Variants in MTMR7 observed in about 807,000 individuals in gnomAD.
MTMR7 encodes the protein phosphatidylinositol-3-phosphate phosphatase MTMR7.
A neutral mutation model predicts 81.2 loss-of-function variants in MTMR7; 76 were observed. The observed-to-expected ratio is 0.94, with a 90% CI of 0.78 to 1.13. The LOEUF (loss-of-function observed/expected upper bound fraction) is 1.13. Among genes scored for constraint, MTMR7 ranks in the 50% most tolerant of loss-of-function variants. The pLI, the probability that MTMR7 is intolerant of heterozygous loss-of-function variation, is 0.00. For missense variants in MTMR7, 1,044 were observed against 820.0 expected (o/e 1.27, Z -3.34); for synonymous variants, 372 against 289.8 (o/e 1.28, Z -2.88).
intron 7 of MTMR7, among the ~76,000 whole-genome samples, chr8:17,324,185 T>A (rs1323189544): frequency 6.6e-6 from 1 of 152,198 alleles, no homozygotes; most frequent in Non-Finnish European, 1.5e-5. Context: ...ATTGGTTACT[T>A]CTTTCAGAAT....
Position 17,304,486 on chromosome 8 carries a change from G to A in MTMR7, c.1386C>T (p.His462=), listed in dbSNP as rs372583977. ...IQERTYSLWA[H]LWKNRADYLN... is the part of the protein sequence containing the mutation. ...GGTAGTCGGCCCGATTCTTCCACAG[G>A]TGAGCCCATAATGAGTATGTTCTTT... The change falls in exon 12 of 14, where the codon CAC becomes CAT. Residue 462 remains histidine (H), a synonymous_variant. Transcript: ENST00000180173. The A allele has an allele frequency of 8.1e-6, 13 of 1,613,864 alleles. No individual in the cohort carries two copies. The highest frequency in any genetic ancestry group is 1.1e-5 in the Non-Finnish European group (13 of 1,179,936).
chr8:17,383,553 A>T (rs190287256), intron 1 of MTMR7, among the ~76,000 whole-genome samples: 1 of 152,260 alleles, frequency 6.6e-6, no homozygotes. Flanking sequence ...ATACCTGACC[A>T]CTTCAGTCTG....
At chr8:17,319,170 C>A (rs965258729) in intron 7 of MTMR7, among the ~76,000 whole-genome samples, 1 of 152,336 alleles carries the variant, frequency 6.6e-6, no homozygotes, top group Admixed American at 6.5e-5. Context: ...GCAGACACAG[C>A]TGCACTCAAA....
intron 2 of MTMR7, among the ~76,000 whole-genome samples, chr8:17,371,858 T>G (rs1204700187): frequency 6.7e-6 from 1 of 149,952 alleles, no homozygotes; most frequent in Non-Finnish European, 1.5e-5. Context: ...ATAGTTTTTT[T>G]TTTTTTTTTT....
rs141307814 is a variant in MTMR7 at position 17,315,299 on chromosome 8, C to T, written c.866-1898G>A. On this transcript the variant is annotated intron_variant, in intron 7 of 13. Coordinates refer to ENST00000180173, the MANE Select transcript of MTMR7 (RefSeq NM_004686.5). Reference sequence around the variant, plus strand: ...TGACCTCCTAGAAAAGGCAAAACTACGGAGACAGTAAAAAAATCAGCGGCT... The same window carrying T: ...TGACCTCCTAGAAAAGGCAAAACTATGGAGACAGTAAAAAAATCAGCGGCT... 1.3e-3 allele frequency among the ~76,000 whole-genome samples: 197 copies of T among 152,134 alleles called. 1 individual carries two copies. The highest frequency in any genetic ancestry group is 4.6e-3 in the South Asian group (22 of 4,826).
At chr8:17,405,752 A>C (rs1384203848) in intron 1 of MTMR7, among the ~76,000 whole-genome samples, 1 of 152,126 alleles carries the variant, frequency 6.6e-6, no homozygotes, top group African/African-American at 2.4e-5. Context: ...GTGGTTAAAA[A>C]AAAAATCACT....
Position 17,371,034 on chromosome 8 carries a change from T to C in MTMR7, c.310+3A>G, listed in dbSNP as rs1041780591. 4.3e-6 allele frequency: 7 copies of C among 1,612,046 alleles called. No homozygotes were observed. Among genetic ancestry groups the C allele is most frequent in the South Asian group, 1.1e-5 (1 of 90,470 alleles). On this transcript the variant is annotated splice_donor_region_variant and intron_variant, in intron 3 of 13. Transcript: ENST00000180173. ...TATTAAATGCCGAGTTCCTCTGCCC[T>C]ACCTGGCCTTGCAAGGCGTATCAGG...
At chr8:17,339,462 G>A (rs1330119828) in intron 6 of MTMR7, among the ~76,000 whole-genome samples, 1 of 152,194 alleles carries the variant, frequency 6.6e-6, no homozygotes, top group South Asian at 2.1e-4. Flanking sequence ...GCAACCATCA[G>A]TTTACTTTCA....
In MTMR7 at chr8:17,373,191, A is replaced by C. The variant is rs766574049; in HGVS notation, c.74T>G (p.Leu25Arg). The C allele has an allele frequency of 7.4e-6, 12 of 1,613,518 alleles. No individual in the cohort carries two copies. In the East Asian group the frequency reaches 2.7e-4, roughly 36 times the overall value. Residue 25 changes from leucine to arginine, a missense_variant, in exon 2 of 14, where the codon CTA becomes CGA. By Grantham distance (102) the Leu-to-Arg change is moderately radical (BLOSUM62 -2). Transcript: ENST00000180173. Reference protein sequence around the residue: ...VDRVSPKKAALGTLYLTATHV... With the variant: ...VDRVSPKKAARGTLYLTATHV... The stretch of plus-strand genomic sequence containing the variant: ...GGTAGCCGTCAAATACAAAGTACCT[A>C]GAGCTGCTTTTTTAGGAGACACTCG...
At chr8:17,396,733 G>A (rs1341101814) in intron 1 of MTMR7, among the ~76,000 whole-genome samples, 3 of 151,974 alleles carry the variant, frequency 2.0e-5, no homozygotes, top group South Asian at 2.1e-4. Context: ...GTGGCCTAGG[G>A]AGACACAAGC....
chr8:17,355,867 C>T (rs926020163), intron 4 of MTMR7, among the ~76,000 whole-genome samples: 2 of 152,134 alleles, frequency 1.3e-5, no homozygotes, highest in African/African-American at 4.8e-5. Context: ...AATGCAAAAA[C>T]CACATCGAGA....
At chr8:17,336,739 G>A (rs1396176157) in intron 6 of MTMR7, among the ~76,000 whole-genome samples, 1 of 152,174 alleles carries the variant, frequency 6.6e-6, no homozygotes, top group Non-Finnish European at 1.5e-5. Flanking sequence ...TTCTCTTCAT[G>A]CCTCAGCACC....
chr8:17,394,400 G>A (rs534441669), intron 1 of MTMR7, among the ~76,000 whole-genome samples: 1 of 152,298 alleles, frequency 6.6e-6, no homozygotes, highest in East Asian at 1.9e-4. Context: ...CTACAACACG[G>A]ATGAACCTTG....
chr8:17,401,554 T>C (rs1364166031), intron 1 of MTMR7, among the ~76,000 whole-genome samples: 1 of 151,864 alleles, frequency 6.6e-6, no homozygotes. Flanking sequence ...AATAAACTGG[T>C]GGGGGAGCGG....
chr8:17,405,835 TACAC>T (rs36233628), intron 1 of MTMR7, among the ~76,000 whole-genome samples: 2,411 of 120,984 alleles, frequency 0.02, 67 homozygotes, highest in African/African-American at 0.057. Context: ...CCCAAAACTA[TACAC>T]ACACACACAC....
intron 1 of MTMR7, among the ~76,000 whole-genome samples, chr8:17,394,070 A>G (rs1272508060): frequency 6.6e-6 from 1 of 152,222 alleles, no homozygotes; most frequent in South Asian, 2.1e-4. Flanking sequence ...GGATATGGAG[A>G]TACTGGAACC....
intron 13 of MTMR7, 61 bp from the exon 14 acceptor site, chr8:17,300,285 T>A: frequency 6.7e-7 from 1 of 1,499,436 alleles, no homozygotes; most frequent in South Asian, 1.3e-5. Context: ...TTTCTATATA[T>A]GCATGTCTTT....
Position 17,341,396 on chromosome 8 carries a change from A to C in MTMR7, c.699T>G (p.Ser233Arg), listed in dbSNP as rs1819403263. Residue 233 changes from serine (S) to arginine (R), a missense_variant, in exon 6 of 14, where the codon AGT becomes AGG. Ser to Arg is a moderately radical substitution (Grantham distance 110). Coordinates refer to ENST00000180173, the MANE Select transcript of MTMR7 (RefSeq NM_004686.5). ...LQAIRKANPG[S>R]DFVYVVDTRP... ...GGGTGTCAACGACATAAACGAAGTCACTTCCTGGATTGGCTTTCCTAATGG... is the reference window on the plus strand; with the variant it reads ...GGGTGTCAACGACATAAACGAAGTCCCTTCCTGGATTGGCTTTCCTAATGG... 6.2e-7 allele frequency: 1 copy of C among 1,614,186 alleles called. No homozygotes were observed. Among genetic ancestry groups the C allele is most frequent in the African/African-American group, 1.3e-5 (1 of 75,044 alleles).
At chr8:17,358,470 C>T (rs1460741144) in intron 4 of MTMR7, among the ~76,000 whole-genome samples, 4 of 152,072 alleles carry the variant, frequency 2.6e-5, no homozygotes, top group African/African-American at 7.2e-5. Context: ...TTTCACATAC[C>T]TCTGTCAGAA....
Sources: gnomAD v4.1 joint callset for allele counts (sites outside exome capture counted in the v4.1 genomes callset) on GRCh38, gnomAD v4.1.1 for gene constraint, MANE v1.5 for transcripts, NCBI Gene and HGNC (gene_info 2026-07-23, HGNC 2026-07-21) for gene names.